Variants in BAIAP2L2 observed in about 807,000 individuals in gnomAD.
BAIAP2L2 encodes BAR/IMD domain containing adaptor protein 2 like 2.
BAIAP2L2 carries 65 observed loss-of-function variants against 60.4 expected under a neutral mutation model. The ratio of observed to expected loss-of-function variants is 1.08; its 90% CI spans 0.88 to 1.32. The LOEUF (loss-of-function observed/expected upper bound fraction) is 1.32, where lower values mean the gene tolerates loss of function less well. BAIAP2L2 is among the 40% of genes most tolerant of loss of function. BAIAP2L2 has a pLI of 0.00. For missense variants in BAIAP2L2, 836 were observed against 741.2 expected, an observed-to-expected ratio of 1.13 and a Z score of -1.48; for synonymous variants, 344 against 301.7, an observed-to-expected ratio of 1.14 and a Z score of -1.45.
At chr22:38,085,400 G>A (rs772381923) in intron 13 of BAIAP2L2, 25 bp from the exon 14 acceptor site, 1 of 1,607,092 alleles carries the variant, frequency 6.2e-7, no homozygotes, top group Non-Finnish European at 8.5e-7. Flanking sequence ...AGAGAATGGG[G>A]TGAGAAGGGC....
Position 38,106,200 on chromosome 22 carries a change from G to A in BAIAP2L2, c.276+1652C>T, listed in dbSNP as rs561783489. Among the ~76,000 whole-genome samples the A allele has an allele frequency of 1.5e-4, 23 of 152,280 alleles. No individual in the cohort carries two copies. The South Asian group carries it at 3.7e-3, about 25-fold the overall frequency. On this transcript the variant is annotated intron_variant, in intron 4 of 13. Transcript: ENST00000381669. ...GGCCTTGGGGCCTTGTTGTGTGTGC[G>A]TGGGATGTGCATTTACTAATAGAAA... is the stretch of plus-strand genomic sequence containing the variant.
At chr22:38,091,550 T>C (rs547702199) in intron 7 of BAIAP2L2, 1 of 152,174 alleles carries the variant, frequency 6.6e-6, no homozygotes, top group Non-Finnish European at 1.5e-5. Flanking sequence ...AAATGGTGGG[T>C]GAGAAGAAAC....
chr22:38,109,210 TGGACCCCAGGGTCAG>T lies in BAIAP2L2; in HGVS notation c.52-17_52-3del. 1 of 1,610,300 alleles carries T rather than the reference TGGACCCCAGGGTCAG, an allele frequency of 6.2e-7. No individual in the cohort carries two copies. The highest frequency in any genetic ancestry group is 2.2e-5 in the East Asian group (1 of 44,852). ...GGGGTTAAACTGCTCCATGATGCTC[TGGACCCCAGGGTCAG>T]GGGAGGAAAAAGGTGTAGAGATGGG... On this transcript the variant is annotated splice_polypyrimidine_tract_variant and splice_region_variant and intron_variant, in intron 1 of 13. Transcript: ENST00000381669.
chr22:38,105,281 C>T (rs1405932979), intron 4 of BAIAP2L2, among the ~76,000 whole-genome samples: 1 of 151,910 alleles, frequency 6.6e-6, no homozygotes, highest in Non-Finnish European at 1.5e-5. Context: ...TCCAGATTGC[C>T]CTTCCCCCAG....
At chr22:38,088,263 A>G (rs2145936764) in intron 10 of BAIAP2L2, among the ~76,000 whole-genome samples, 1 of 151,584 alleles carries the variant, frequency 6.6e-6, no homozygotes, top group Middle Eastern at 3.4e-3. Flanking sequence ...ACTGTATGAA[A>G]CTCCCCAAAT....
intron 7 of BAIAP2L2, among the ~76,000 whole-genome samples, chr22:38,093,124 C>A (rs1485851015): frequency 6.6e-6 from 1 of 152,128 alleles, no homozygotes; most frequent in East Asian, 1.9e-4. Context: ...TGAGATCATG[C>A]CACTGCACTC....
chr22:38,108,338 A>G lies in BAIAP2L2; in HGVS notation c.131T>C (p.Leu44Pro). 1.2e-6 allele frequency: 2 copies of G among 1,612,080 alleles called. No individual in the cohort carries two copies. ...GAAGTAGACCTCGGCCGCCTCGGAC[A>G]GAGCTGTGGACCAGAAGGGACAGGT... ...GNNYLRAFHA[L>P]SEAAEVYFSA... Residue 44 changes from leucine (L) to proline (P), a missense_variant, in exon 3 of 14, where the codon CTG (leucine) becomes CCG (proline). Physicochemically the swap from Leu to Pro is moderately conservative, Grantham distance 98 (BLOSUM62 -3). Transcript: ENST00000381669.
At chr22:38,088,720 C>G (rs772393636) in intron 10 of BAIAP2L2, 28 bp downstream of exon 10, 4 of 1,447,124 alleles carry the variant, frequency 2.8e-6, no homozygotes, top group East Asian at 2.3e-5. Context: ...CTCAACCCAC[C>G]CCCGGCCCCT....
intron 12 of BAIAP2L2, 84 bp from the exon 13 acceptor site, chr22:38,085,816 A>T: frequency 7.5e-7 from 1 of 1,331,402 alleles, no homozygotes; most frequent in Non-Finnish European, 1.0e-6. Flanking sequence ...CCCCATGCCC[A>T]AGGGCAGAGG....
chr22:38,089,052 C>T, intron 9 of BAIAP2L2, 44 bp downstream of exon 9: 2 of 1,393,170 alleles, frequency 1.4e-6, no homozygotes, highest in Non-Finnish European at 1.9e-6. Flanking sequence ...CCCACCCCCG[C>T]GCCTCTCCCG....
chr22:38,097,311 C>A (rs1602015118), intron 6 of BAIAP2L2, 133 bp from the exon 7 acceptor site: 1 of 980,186 alleles, frequency 1.0e-6, no homozygotes, highest in Non-Finnish European at 1.5e-6. Context: ...CCCCATCACC[C>A]GGCCCATCCT....
intron 3 of BAIAP2L2, 97 bp from the exon 4 acceptor site, chr22:38,108,010 A>G: frequency 7.7e-7 from 1 of 1,295,186 alleles, no homozygotes; most frequent in Non-Finnish European, 1.1e-6. Context: ...GGCCTGCCCG[A>G]GACTGGATTT....
At position 38,109,168 on chromosome 22, in the gene BAIAP2L2, A is replaced by G. The variant is rs2086735192; in HGVS notation, c.92T>C (p.Val31Ala). 6.2e-7 allele frequency: 1 copy of G among 1,613,160 alleles called. No homozygotes were observed. Among genetic ancestry groups the G allele is most frequent in the Non-Finnish European group, 8.5e-7 (1 of 1,179,710 alleles). Residue 31 changes from valine to alanine, a missense_variant, in exon 2 of 14, where the codon GTG becomes GCG. Physicochemically the swap from Val to Ala is moderately conservative, Grantham distance 64. Coordinates refer to ENST00000381669, the MANE Select transcript of BAIAP2L2 (RefSeq NM_025045.6). The stretch of plus-strand genomic sequence containing the variant: ...ACGCAGGTAGTTGTTGCCCAGGTAC[A>G]CCAGGTTCTCCAGGGCGGGGTTAAA... ...EQFNPALENL[V>A]YLGNNYLRAF... is the part of the protein sequence containing the mutation.
At chr22:38,102,456 T>G (rs1256632559) in intron 4 of BAIAP2L2, among the ~76,000 whole-genome samples, 1 of 152,180 alleles carries the variant, frequency 6.6e-6, no homozygotes, top group Non-Finnish European at 1.5e-5. Flanking sequence ...GTCTTGACTG[T>G]GCTCCTTTTA....
upstream of BAIAP2L2, chr22:38,110,691 A>T: frequency 1.7e-6 from 1 of 579,384 alleles, no homozygotes; most frequent in Non-Finnish European, 3.0e-6. Context: ...TGGCAGCTTA[A>T]TTATTCACCA....
At chr22:38,093,638 C>T (rs1264780340) in intron 7 of BAIAP2L2, among the ~76,000 whole-genome samples, 3 of 152,108 alleles carry the variant, frequency 2.0e-5, no homozygotes, top group Admixed American at 6.5e-5. Flanking sequence ...ATCTGGGAAC[C>T]GGAAATCAAT....
chr22:38,085,540 G>T (rs190137304), intron 13 of BAIAP2L2, 146 bp downstream of exon 13: 32 of 1,254,848 alleles, frequency 2.6e-5, no homozygotes, highest in Admixed American at 1.2e-4. Flanking sequence ...TAAGAGATAG[G>T]GTCTCACAGT....
At position 38,090,088 on chromosome 22, in the gene BAIAP2L2, A is replaced by C. The variant is rs376725858; in HGVS notation, c.613-414T>G. ...CATTACTTACTTACCCAGTAACACTATGGAAAATGCATTTTTTTTTTTTTT... is the reference window on the plus strand; with the variant it reads ...CATTACTTACTTACCCAGTAACACTCTGGAAAATGCATTTTTTTTTTTTTT... On this transcript the variant is annotated intron_variant, in intron 7 of 13. Coordinates refer to ENST00000381669, the MANE Select transcript of BAIAP2L2 (RefSeq NM_025045.6). The C allele has an allele frequency of 3.8e-3, 496 of 131,118 alleles. 3 individuals are homozygous for C. Among genetic ancestry groups the C allele is most frequent in the African/African-American group, 0.013 (467 of 35,796 alleles). 8.1% of individuals were successfully genotyped at this position (131,118 alleles called of 1,614,324 possible).
At chr22:38,098,242 C>A in intron 5 of BAIAP2L2, 63 bp from the exon 6 acceptor site, 1 of 1,561,678 alleles carries the variant, frequency 6.4e-7, no homozygotes, top group Non-Finnish European at 8.8e-7. Context: ...AGACACCCCT[C>A]CCAGAGATCA....
Sources: gnomAD v4.1 joint callset for allele counts (sites outside exome capture counted in the v4.1 genomes callset) on GRCh38, gnomAD v4.1.1 for gene constraint, MANE v1.5 for transcripts, NCBI Gene and HGNC (gene_info 2026-07-23, HGNC 2026-07-21) for gene names.